The following B4GALT5 variants were observed in gnomAD, a reference collection of about 807,000 sequenced individuals.
B4GALT5 encodes the protein beta-1,4-galactosyltransferase 5.
In B4GALT5, 11 loss-of-function variants were observed where a neutral mutation model predicts 45.0. That is an observed-to-expected ratio of 0.24 (90% CI 0.15 to 0.40). B4GALT5 has a LOEUF of 0.40. Ranked by LOEUF, B4GALT5 falls within the 10% of genes least tolerant of loss-of-function variation. B4GALT5 has a pLI of 1.00. For synonymous variants in B4GALT5, 185 were observed against 182.9 expected, an observed-to-expected ratio of 1.01 and a Z score of -0.09; for missense variants, 337 against 500.2, an observed-to-expected ratio of 0.67 and a Z score of 3.11.
At chr20:49,636,588 G>C in intron 8 of B4GALT5, 129 bp from the exon 9 acceptor site, 1 of 1,037,092 alleles carries the variant, frequency 9.6e-7, no homozygotes, top group Non-Finnish European at 1.4e-6. Flanking sequence ...GCACAAGGTG[G>C]GCGCACGGCC....
In B4GALT5 at chr20:49,637,453, C is replaced by T. The variant is rs774716629; in HGVS notation, c.918-11G>A. On this transcript the variant is annotated splice_polypyrimidine_tract_variant and intron_variant, in intron 7 of 8. Coordinates refer to ENST00000371711, the MANE Select transcript of B4GALT5 (RefSeq NM_004776.4). ...CCTGCATTCTGTACTCTGTCCAAGA[C>T]CAAGAGAACAGGCTTTTAGATACAA... 6 of 1,605,080 alleles carry T rather than the reference C, an allele frequency of 3.7e-6. No homozygotes were observed.
At chr20:49,676,200 AGTGT>A (rs71759377) in intron 1 of B4GALT5, among the ~76,000 whole-genome samples, 10 of 151,466 alleles carry the variant, frequency 6.6e-5, no homozygotes, top group African/African-American at 1.5e-4. Context: ...AGAGAGAGAG[AGTGT>A]GTGTGTGTGT....
intron 1 of B4GALT5, among the ~76,000 whole-genome samples, chr20:49,703,081 G>A (rs2085869283): frequency 1.3e-5 from 2 of 150,624 alleles, no homozygotes; most frequent in East Asian, 3.9e-4. Flanking sequence ...GTCTGAGGCA[G>A]GAGAATGGCA....
At chr20:49,695,268 A>AC (rs2085834216) in intron 1 of B4GALT5, among the ~76,000 whole-genome samples, 1 of 150,822 alleles carries the variant, frequency 6.6e-6, no homozygotes, top group African/African-American at 2.4e-5. Flanking sequence ...ACAACACACA[A>AC]CCCCCTACAC....
chr20:49,672,519 C>T (rs2085720249), intron 1 of B4GALT5, among the ~76,000 whole-genome samples: 1 of 152,120 alleles, frequency 6.6e-6, no homozygotes, highest in Non-Finnish European at 1.5e-5. Context: ...CTGGGCCATG[C>T]AGAATGCTGG....
At chr20:49,643,117 C>T (rs1273164504) in intron 4 of B4GALT5, among the ~76,000 whole-genome samples, 1 of 152,200 alleles carries the variant, frequency 6.6e-6, no homozygotes, top group African/African-American at 2.4e-5. Flanking sequence ...TGTCTTCTGA[C>T]TATGGTCAGG....
At chr20:49,709,016 C>T (rs1422236604) in intron 1 of B4GALT5, among the ~76,000 whole-genome samples, 1 of 151,980 alleles carries the variant, frequency 6.6e-6, no homozygotes, top group Non-Finnish European at 1.5e-5. Flanking sequence ...ATAACTGTTT[C>T]GACAATTTGC....
chr20:49,651,113 G>C (rs2085620779), intron 2 of B4GALT5, among the ~76,000 whole-genome samples: 1 of 151,832 alleles, frequency 6.6e-6, no homozygotes, highest in Non-Finnish European at 1.5e-5. Flanking sequence ...GTGAAACTGT[G>C]TCTCTTACTA....
intron 1 of B4GALT5, among the ~76,000 whole-genome samples, chr20:49,702,272 C>CA (rs987724568): frequency 4.0e-5 from 6 of 151,446 alleles, no homozygotes; most frequent in African/African-American, 1.2e-4. Flanking sequence ...AACAAACAAA[C>CA]AAAAAAAACC....
At chr20:49,641,115 C>CA (rs956796436) in intron 5 of B4GALT5, among the ~76,000 whole-genome samples, 6 of 147,850 alleles carry the variant, frequency 4.1e-5, no homozygotes, top group Non-Finnish European at 6.0e-5. Flanking sequence ...ACTCCATCTC[C>CA]AAAAAAAAGA....
chr20:49,649,964 CA>C (rs2085614617), intron 2 of B4GALT5, among the ~76,000 whole-genome samples: 1 of 152,038 alleles, frequency 6.6e-6, no homozygotes, highest in Non-Finnish European at 1.5e-5. Flanking sequence ...AACAAATCAA[CA>C]AAAACGAAGA....
At chr20:49,663,014 T>C (rs2085671361) in intron 1 of B4GALT5, among the ~76,000 whole-genome samples, 1 of 152,252 alleles carries the variant, frequency 6.6e-6, no homozygotes, top group South Asian at 2.1e-4. Flanking sequence ...GATTTTGGAA[T>C]ACTATACAGC....
chr20:49,680,967 T>C (rs1361234570), intron 1 of B4GALT5, among the ~76,000 whole-genome samples: 1 of 152,046 alleles, frequency 6.6e-6, no homozygotes. Flanking sequence ...TTTAATAAGT[T>C]CCAGCACTTT....
At chr20:49,710,573 C>T (rs2085904578) in intron 1 of B4GALT5, among the ~76,000 whole-genome samples, 1 of 151,976 alleles carries the variant, frequency 6.6e-6, no homozygotes, top group Non-Finnish European at 1.5e-5. Context: ...GCACCTGCCA[C>T]CACGCCCGGC....
intron 1 of B4GALT5, among the ~76,000 whole-genome samples, chr20:49,681,684 T>A (rs1473529109): frequency 6.6e-6 from 1 of 152,246 alleles, no homozygotes; most frequent in Non-Finnish European, 1.5e-5. Context: ...AGTCTTCCCA[T>A]CCTGGTTAAT....
At chr20:49,638,588 G>A (rs972535598) in intron 7 of B4GALT5, among the ~76,000 whole-genome samples, 3 of 152,146 alleles carry the variant, frequency 2.0e-5, no homozygotes, top group Admixed American at 6.6e-5. Flanking sequence ...AGTTTGGAGT[G>A]GTTCCAATGA....
In B4GALT5 at chr20:49,642,561, C is replaced by G; in HGVS notation, c.513G>C (p.Arg171=). 2 of 1,613,994 alleles carry G rather than the reference C, an allele frequency of 1.2e-6. No individual in the cohort carries two copies. The highest frequency in any genetic ancestry group is 1.7e-6 in the Non-Finnish European group (2 of 1,179,946). Residue 171 remains arginine (R), a synonymous_variant, in exon 5 of 9, where the codon CGG becomes CGC. Transcript: ENST00000371711. ...RWKVAILIPF[R]NRHEHLPVLF... ...GGACTGGGAGGTGCTCGTGGCGGTT[C>G]CGGAAGGGGATAAGGATCGCCACCT... is the stretch of plus-strand genomic sequence containing the variant.
chr20:49,657,271 G>C (rs1168356165), intron 1 of B4GALT5, among the ~76,000 whole-genome samples: 1 of 152,172 alleles, frequency 6.6e-6, no homozygotes, highest in African/African-American at 2.4e-5. Context: ...ACTATTTGCA[G>C]TCCTCACTAT....
intron 2 of B4GALT5, among the ~76,000 whole-genome samples, chr20:49,650,355 T>C (rs2085616528): frequency 6.6e-6 from 1 of 151,244 alleles, no homozygotes; most frequent in Non-Finnish European, 1.5e-5. Context: ...AAATAAAACT[T>C]TAATTAAAAT....
Sources: allele counts gnomAD v4.1 joint callset (sites outside exome capture counted in the v4.1 genomes callset), GRCh38; gene constraint gnomAD v4.1.1; transcripts MANE v1.5; gene names NCBI Gene and HGNC (gene_info 2026-07-23, HGNC 2026-07-21).